The following SGMS2 variants were observed in gnomAD, a reference collection of about 807,000 sequenced individuals.
The protein encoded by SGMS2 is sphingomyelin synthase 2, also known as phosphatidylcholine:ceramide cholinephosphotransferase 2.
In SGMS2, 21 loss-of-function variants were observed where a neutral mutation model predicts 43.8. The ratio of observed to expected loss-of-function variants is 0.48; its 90% CI spans 0.34 to 0.69. SGMS2 has a LOEUF of 0.69. Among genes scored for constraint, SGMS2 ranks in the 30% least tolerant of loss-of-function variants. SGMS2 has a pLI of 0.01. For missense variants in SGMS2, 384 were observed against 443.2 expected (o/e 0.87, Z 1.20); for synonymous variants, 167 against 160.6 (o/e 1.04, Z -0.30).
chr4:107,862,364 T>A (rs1235881912), intron 2 of SGMS2, among the ~76,000 whole-genome samples: 4 of 152,200 alleles, frequency 2.6e-5, no homozygotes, highest in Non-Finnish European at 5.9e-5. Flanking sequence ...GTGAACCTCC[T>A]TGATTCCGAA....
intron 1 of SGMS2, among the ~76,000 whole-genome samples, chr4:107,841,238 C>G (rs1023505037): frequency 6.6e-6 from 1 of 152,114 alleles, no homozygotes; most frequent in Non-Finnish European, 1.5e-5. Context: ...AGGTGAGACT[C>G]ATTAAGTAAT....
chr4:107,888,843 CTGTT>C (rs1386524033), intron 2 of SGMS2, among the ~76,000 whole-genome samples: 11 of 151,964 alleles, frequency 7.2e-5, no homozygotes, highest in Non-Finnish European at 1.6e-4. Flanking sequence ...AAATTATGAC[CTGTT>C]TGTCTACAAT....
chr4:107,903,469 C>A, intron 5 of SGMS2, 83 bp downstream of exon 5: 1 of 1,325,810 alleles, frequency 7.5e-7, no homozygotes, highest in South Asian at 1.3e-5. Flanking sequence ...AGCCCTTATT[C>A]TCTTGGGATT....
At chr4:107,842,311 T>C (rs1287081144) in intron 1 of SGMS2, among the ~76,000 whole-genome samples, 1 of 152,094 alleles carries the variant, frequency 6.6e-6, no homozygotes, top group Non-Finnish European at 1.5e-5. Context: ...TCAGGAAGCT[T>C]ACAATCATGG....
At chr4:107,888,603 C>CA (rs1023545074) in intron 2 of SGMS2, among the ~76,000 whole-genome samples, 152 of 148,028 alleles carry the variant, frequency 1.0e-3, no homozygotes, top group Middle Eastern at 3.4e-3. Flanking sequence ...GCTTTCTTAC[C>CA]AAAAAAAAAA....
intron 2 of SGMS2, among the ~76,000 whole-genome samples, chr4:107,879,993 C>T (rs1400044261): frequency 6.6e-6 from 1 of 152,034 alleles, no homozygotes; most frequent in African/African-American, 2.4e-5. Context: ...TTTGTTAGGC[C>T]GTATCTTTCT....
At chr4:107,861,385 G>C (rs901007241) in intron 2 of SGMS2, among the ~76,000 whole-genome samples, 3 of 152,188 alleles carry the variant, frequency 2.0e-5, no homozygotes, top group Non-Finnish European at 4.4e-5. Flanking sequence ...GAAGAAATAA[G>C]CTTTCTACTT....
At chr4:107,859,399 A>G (rs772405967) in intron 2 of SGMS2, among the ~76,000 whole-genome samples, 1 of 152,226 alleles carries the variant, frequency 6.6e-6, no homozygotes, top group Non-Finnish European at 1.5e-5. Context: ...ATTATTCAGC[A>G]CAGTATTCTA....
At chr4:107,844,706 CAA>C (rs1200978461) in intron 1 of SGMS2, among the ~76,000 whole-genome samples, 1 of 151,782 alleles carries the variant, frequency 6.6e-6, no homozygotes, top group Non-Finnish European at 1.5e-5. Flanking sequence ...ATCCTGTCTC[CAA>C]AAAAATGTGT....
chr4:107,827,920 A>T (rs894160344), intron 1 of SGMS2, among the ~76,000 whole-genome samples: 1 of 152,150 alleles, frequency 6.6e-6, no homozygotes, highest in Non-Finnish European at 1.5e-5. Flanking sequence ...TGGGAGGTGG[A>T]GGTTGCAGTG....
rs575448224 is a variant in SGMS2, at chr4:107,862,044, G to A, written c.-245+3491G>A. 3.3e-5 allele frequency among the ~76,000 whole-genome samples: 5 copies of A among 152,290 alleles called. No homozygotes were observed. The East Asian group carries it at 9.6e-4, about 29-fold the overall frequency. Reference sequence around the variant, plus strand: ...GTCCTCTGACAAGAAGAGCAAAAACGAAAGAAACAACAACAGAAATCCCAG... The same window carrying A: ...GTCCTCTGACAAGAAGAGCAAAAACAAAAGAAACAACAACAGAAATCCCAG... On this transcript the variant is annotated intron_variant, in intron 2 of 6. Coordinates refer to ENST00000690982, the MANE Select transcript of SGMS2 (RefSeq NM_001375905.1).
At chr4:107,850,930 C>T (rs1727102816) in intron 1 of SGMS2, among the ~76,000 whole-genome samples, 1 of 152,186 alleles carries the variant, frequency 6.6e-6, no homozygotes, top group Non-Finnish European at 1.5e-5. Flanking sequence ...CCCCTCATTT[C>T]ACTTTCTTCT....
At chr4:107,901,453 G>GT (rs1266216764) in intron 4 of SGMS2, among the ~76,000 whole-genome samples, 8 of 152,256 alleles carry the variant, frequency 5.3e-5, no homozygotes, top group African/African-American at 1.7e-4. Context: ...TCCTTCATGA[G>GT]TATAAGCATG....
chr4:107,852,071 A>T (rs1459796044), intron 1 of SGMS2, among the ~76,000 whole-genome samples: 6 of 143,824 alleles, frequency 4.2e-5, no homozygotes, highest in East Asian at 4.0e-4. Context: ...TGTCATAATA[A>T]TTTTTTTTTT....
chr4:107,903,348 C>A lies in SGMS2; in HGVS notation c.689C>A (p.Thr230Lys). The A allele has an allele frequency of 6.2e-7, 1 of 1,613,758 alleles. No homozygotes were observed. The highest frequency in any genetic ancestry group is 8.5e-7 in the Non-Finnish European group (1 of 1,179,724). Residue 230 changes from threonine (T) to lysine (K), a missense_variant, in exon 5 of 7, where the codon ACG (threonine) becomes AAG (lysine). Coordinates refer to ENST00000690982, the MANE Select transcript of SGMS2 (RefSeq NM_001375905.1). The part of the protein sequence containing the change: ...LCGDFLFSGH[T>K]VTLTLTYLFI... ...GGAGACTTCCTCTTCAGCGGTCACACGGTTACGCTGACACTGACTTATTTG... is the reference window on the plus strand; with the variant it reads ...GGAGACTTCCTCTTCAGCGGTCACAAGGTTACGCTGACACTGACTTATTTG...
At chr4:107,828,671 T>C (rs1725728995) in intron 1 of SGMS2, among the ~76,000 whole-genome samples, 1 of 152,246 alleles carries the variant, frequency 6.6e-6, no homozygotes, top group South Asian at 2.1e-4. Context: ...ATTTCAGTTA[T>C]TTTGCATTTT....
chr4:107,836,964 G>A (rs77168083), intron 1 of SGMS2, among the ~76,000 whole-genome samples: 6,159 of 152,248 alleles, frequency 0.04, 427 homozygotes, highest in African/African-American at 0.14. Flanking sequence ...CACTGGGGAA[G>A]CCACTGCATT....
intron 2 of SGMS2, among the ~76,000 whole-genome samples, chr4:107,884,892 C>T (rs1729627352): frequency 6.6e-6 from 1 of 152,140 alleles, no homozygotes; most frequent in African/African-American, 2.4e-5. Flanking sequence ...GCATCCTCAA[C>T]CTTGGCAAAA....
rs755540719 is a variant in SGMS2, at chr4:107,908,621, G to A, written c.784G>A (p.Gly262Arg). 66 of 1,613,872 alleles carry A rather than the reference G, an allele frequency of 4.1e-5. No homozygotes were observed. Among genetic ancestry groups the A allele is most frequent in the Non-Finnish European group, 5.2e-5 (61 of 1,179,940 alleles). ...AATCTGCTGGCTGCTGAGTGCTGCCGGGATCATCTGCATTCTTGTAGCACA... is the reference window on the plus strand; with the variant it reads ...AATCTGCTGGCTGCTGAGTGCTGCCAGGATCATCTGCATTCTTGTAGCACA... ...HLICWLLSAA[G>R]IICILVAHEH... The change falls in exon 6 of 7, where the codon GGG becomes AGG. Residue 262 changes from glycine to arginine, a missense_variant. By Grantham distance (125) the Gly-to-Arg change is moderately radical. Transcript: ENST00000690982.
Sources: gnomAD v4.1 joint callset for allele counts (sites outside exome capture counted in the v4.1 genomes callset) on GRCh38, gnomAD v4.1.1 for gene constraint, MANE v1.5 for transcripts, NCBI Gene and HGNC (gene_info 2026-07-23, HGNC 2026-07-21) for gene names.